Variants in GLCCI1 observed in about 807,000 individuals in gnomAD.
The protein encoded by GLCCI1 is glucocorticoid-induced transcript 1 protein.
A neutral mutation model predicts 52.2 loss-of-function variants in GLCCI1; 24 were observed. The ratio of observed to expected loss-of-function variants is 0.46; its 90% CI spans 0.33 to 0.65. The LOEUF (loss-of-function observed/expected upper bound fraction) is 0.65, where lower values mean the gene tolerates loss of function less well. Ranked by LOEUF, GLCCI1 falls within the 30% of genes least tolerant of loss-of-function variation. The probability of loss-of-function intolerance (pLI) is 0.02; values close to 1 mark genes in which losing one functional copy is unlikely to be tolerated. For missense variants in GLCCI1, 704 were observed against 701.5 expected (o/e 1.00, Z -0.04); for synonymous variants, 310 against 276.5 (o/e 1.12, Z -1.20).
chr7:7,989,412 A>G lies in GLCCI1; in HGVS notation c.458-14496A>G, dbSNP rs117340961. Among the ~76,000 whole-genome samples, 54 of 152,294 alleles carry G rather than the reference A, an allele frequency of 3.5e-4. 1 individual carries two copies. The East Asian group carries it at 0.01, about 28-fold the overall frequency. On this transcript the variant is annotated intron_variant, in intron 1 of 7. Transcript: ENST00000223145. Reference sequence around the variant, plus strand: ...TTTTGTGTTTGTAAAATGTCAGAGCATAGAAATCATGGTCTTTTATATAAA... The same window carrying G: ...TTTTGTGTTTGTAAAATGTCAGAGCGTAGAAATCATGGTCTTTTATATAAA...
At chr7:7,979,426 G>A (rs37979) in intron 1 of GLCCI1, among the ~76,000 whole-genome samples, 92,395 of 150,998 alleles carry the variant, frequency 0.61, 29,169 homozygotes, top group African/African-American at 0.77. Flanking sequence ...TATATGAATT[G>A]TTTATTTCTA....
intron 3 of GLCCI1, among the ~76,000 whole-genome samples, chr7:8,042,303 A>C (rs74842851): frequency 0.032 from 4,871 of 152,336 alleles, 117 homozygotes; most frequent in Non-Finnish European, 0.048. Flanking sequence ...TCCTTTGATG[A>C]ATCTGGGCAG....
Position 8,060,144 on chromosome 7 carries a change from C to A in GLCCI1, c.862C>A (p.Pro288Thr), listed in dbSNP as rs1292946898. The part of the protein sequence containing the change: ...VPMPLSNISV[P>T]KSSVSRVPCN... ...TATGCCACTGTCAAATATATCAGTG[C>A]CAAAATCATCTGTTTCGCGTGTGCC... The change falls in exon 5 of 8, where the codon CCA (proline) becomes ACA (threonine). Residue 288 changes from proline to threonine, a missense_variant. By Grantham distance (38) the Pro-to-Thr change is conservative. Transcript: ENST00000223145. The A allele has an allele frequency of 6.2e-7, 1 of 1,613,394 alleles. No homozygotes were observed. The highest frequency in any genetic ancestry group is 8.5e-7 in the Non-Finnish European group (1 of 1,179,528).
At chr7:8,030,523 CAAAAATGG>C (rs1362127282) in intron 3 of GLCCI1, among the ~76,000 whole-genome samples, 4 of 151,804 alleles carry the variant, frequency 2.6e-5, no homozygotes, top group Non-Finnish European at 5.9e-5. Context: ...GCCATCAAAG[CAAAAATGG>C]AAAAATGGGA....
chr7:8,085,018 G>GT lies in GLCCI1; in HGVS notation c.1298+2dup. On this transcript the variant is annotated splice_donor_variant, in intron 7 of 7. Transcript: ENST00000223145. LOFTEE classifies it high-confidence loss of function. ...GAGTGAAGGTCTTTGAGGAAATGGC[G>GT]TAAGTAATGTCTTTTTTGTCAGCTG... 1.2e-6 allele frequency: 2 copies of GT among 1,613,634 alleles called. No individual in the cohort carries two copies. The highest frequency in any genetic ancestry group is 8.5e-7 in the Non-Finnish European group (1 of 1,179,862).
chr7:7,985,010 C>G (rs73242021), intron 1 of GLCCI1, among the ~76,000 whole-genome samples: 5,452 of 152,252 alleles, frequency 0.036, 302 homozygotes, highest in African/African-American at 0.12. Context: ...TTATTCCTAA[C>G]CAGCCTCATA....
At chr7:8,075,256 G>A (rs1330082368) in intron 6 of GLCCI1, among the ~76,000 whole-genome samples, 3 of 152,146 alleles carry the variant, frequency 2.0e-5, no homozygotes. Flanking sequence ...AAGTGAATGG[G>A]TTTTTGGCGT....
chr7:8,048,372 C>G (rs1447383100), intron 3 of GLCCI1, among the ~76,000 whole-genome samples: 1 of 152,130 alleles, frequency 6.6e-6, no homozygotes, highest in East Asian at 1.9e-4. Context: ...ATGGTTCACA[C>G]ACTCAGATTT....
At chr7:8,045,966 A>AC (rs1203228111) in intron 3 of GLCCI1, among the ~76,000 whole-genome samples, 1 of 151,920 alleles carries the variant, frequency 6.6e-6, no homozygotes, top group East Asian at 1.9e-4. Flanking sequence ...ACAATTCCAA[A>AC]AAAAAAAAAC....
intron 1 of GLCCI1, among the ~76,000 whole-genome samples, chr7:7,973,060 T>C (rs1477751855): frequency 6.6e-6 from 1 of 152,198 alleles, no homozygotes; most frequent in African/African-American, 2.4e-5. Flanking sequence ...TGTTTGGTTC[T>C]GAAGGGTATT....
rs535161257 is a variant in GLCCI1, at chr7:8,049,710, G to C, written c.697-5723G>C. On this transcript the variant is annotated intron_variant, in intron 3 of 7. Coordinates refer to ENST00000223145, the MANE Select transcript of GLCCI1 (RefSeq NM_138426.4). ...CAGCATCAAGAAAGGAAGTTATGCA[G>C]TGGTTGGTTGAAATTATGAGCCAAT... 9.2e-5 allele frequency among the ~76,000 whole-genome samples: 14 copies of C among 152,280 alleles called. No individual in the cohort carries two copies. The East Asian group carries it at 2.5e-3, about 27-fold the overall frequency.
At chr7:7,979,842 C>T (rs1388013488) in intron 1 of GLCCI1, among the ~76,000 whole-genome samples, 4 of 152,200 alleles carry the variant, frequency 2.6e-5, no homozygotes, top group African/African-American at 9.7e-5. Flanking sequence ...AAGTGACAAA[C>T]TTTTCATGTG....
chr7:8,041,320 A>T (rs2127954730), intron 3 of GLCCI1, among the ~76,000 whole-genome samples: 1 of 152,334 alleles, frequency 6.6e-6, no homozygotes, highest in South Asian at 2.1e-4. Context: ...GTTTGAAGCC[A>T]GCAGACATTG....
At chr7:8,040,032 C>G (rs1781962761) in intron 3 of GLCCI1, among the ~76,000 whole-genome samples, 1 of 150,348 alleles carries the variant, frequency 6.7e-6, no homozygotes, top group African/African-American at 2.4e-5. Flanking sequence ...CCAGGCTTCC[C>G]TACACAATAT....
At chr7:8,045,477 G>A (rs1782100352) in intron 3 of GLCCI1, among the ~76,000 whole-genome samples, 1 of 152,174 alleles carries the variant, frequency 6.6e-6, no homozygotes, top group African/African-American at 2.4e-5. Context: ...CAGAAACCTA[G>A]GTAATCTTCA....
intron 2 of GLCCI1, among the ~76,000 whole-genome samples, chr7:8,012,042 C>T (rs1372422375): frequency 6.6e-6 from 1 of 151,972 alleles, no homozygotes; most frequent in Non-Finnish European, 1.5e-5. Flanking sequence ...GTCTCAATCT[C>T]TCGACCTTGT....
chr7:8,058,578 G>A (rs1782450939), intron 4 of GLCCI1, among the ~76,000 whole-genome samples: 1 of 152,170 alleles, frequency 6.6e-6, no homozygotes, highest in Non-Finnish European at 1.5e-5. Flanking sequence ...AAGAAATGGT[G>A]GGGCAATTGG....
chr7:8,036,112 G>C (rs916316660), intron 3 of GLCCI1, among the ~76,000 whole-genome samples: 7 of 152,156 alleles, frequency 4.6e-5, no homozygotes, highest in African/African-American at 1.7e-4. Flanking sequence ...CCACCTATTG[G>C]TCTGTAGGTT....
chr7:7,992,384 CT>C (rs1780860038), intron 1 of GLCCI1, among the ~76,000 whole-genome samples: 1 of 151,966 alleles, frequency 6.6e-6, no homozygotes, highest in Admixed American at 6.6e-5. Flanking sequence ...ATGTTAATTC[CT>C]TTCCAGGCTT....
Sources: gnomAD v4.1 joint callset for allele counts (sites outside exome capture counted in the v4.1 genomes callset) on GRCh38, gnomAD v4.1.1 for gene constraint, MANE v1.5 for transcripts, NCBI Gene and HGNC (gene_info 2026-07-23, HGNC 2026-07-21) for gene names.